LMBR1: variants seen among roughly 807,000 people sequenced by gnomAD.
The protein encoded by LMBR1 is limb region 1 protein homolog.
Under a neutral mutation model 73.9 loss-of-function variants are expected in LMBR1, and 52 were observed. That is an observed-to-expected ratio of 0.70 (90% CI 0.56 to 0.89). The LOEUF is 0.89. Among genes scored for constraint, LMBR1 ranks in the 40% least tolerant of loss-of-function variants. LMBR1 has a pLI of 0.00. For missense variants in LMBR1, 539 were observed against 579.8 expected (o/e 0.93, Z 0.72); for synonymous variants, 215 against 209.4 (o/e 1.03, Z -0.23).
chr7:156,772,102 C>T (rs1354921083), intron 5 of LMBR1, among the ~76,000 whole-genome samples: 2 of 151,824 alleles, frequency 1.3e-5, no homozygotes, highest in Non-Finnish European at 2.9e-5. Flanking sequence ...GGTGAAACCC[C>T]GTCTCTACTA....
At chr7:156,892,858 G>A (rs1238475033) in intron 1 of LMBR1, 70 bp downstream of exon 1, 16 of 1,239,304 alleles carry the variant, frequency 1.3e-5, no homozygotes, top group South Asian at 1.8e-5. Context: ...GGGACCGGGG[G>A]CCCGGGGGCG....
At chr7:156,784,298 T>G (rs1827695569) in intron 5 of LMBR1, among the ~76,000 whole-genome samples, 1 of 152,222 alleles carries the variant, frequency 6.6e-6, no homozygotes, top group Admixed American at 6.5e-5. Flanking sequence ...ATTTAAGAAC[T>G]CTTGTCCTGC....
chr7:156,787,609 A>G (rs1027566546), intron 5 of LMBR1, among the ~76,000 whole-genome samples: 1 of 152,218 alleles, frequency 6.6e-6, no homozygotes, highest in Non-Finnish European at 1.5e-5. Context: ...CTGAACTTCT[A>G]AAACCCTGAT....
chr7:156,866,183 AG>A (rs1798428794), intron 1 of LMBR1, among the ~76,000 whole-genome samples: 1 of 152,190 alleles, frequency 6.6e-6, no homozygotes, highest in Non-Finnish European at 1.5e-5. Flanking sequence ...TATGTCTGAT[AG>A]GGGTCTTATG....
intron 5 of LMBR1, among the ~76,000 whole-genome samples, chr7:156,792,916 A>T (rs775006681): frequency 9.6e-6 from 1 of 104,036 alleles, no homozygotes; most frequent in Admixed American, 1.1e-4. Context: ...TGGCCACAGG[A>T]AAAAAAAAAA....
At chr7:156,754,921 A>T (rs1821573841) in intron 9 of LMBR1, among the ~76,000 whole-genome samples, 1 of 152,234 alleles carries the variant, frequency 6.6e-6, no homozygotes. Context: ...CACCTGAAAC[A>T]GTCCACAGTG....
Position 156,756,527 on chromosome 7 carries a change from A to G in LMBR1, c.685-62T>C, listed in dbSNP as rs1005248935. The G allele has an allele frequency of 7.6e-6, 6 of 786,560 alleles. No homozygotes were observed. The African/African-American group carries it at 1.1e-4, about 14-fold the overall frequency. 48.7% of individuals were successfully genotyped at this position (786,560 alleles called of 1,614,324 possible). ...TTATAAAACGAATGCTTATGAGACC[A>G]TTTAGGCTATTTGGTCAATTTATTT... On this transcript the variant is annotated intron_variant, in intron 8 of 16. Transcript: ENST00000353442.
At chr7:156,732,856 A>G (rs534972368) in intron 10 of LMBR1, among the ~76,000 whole-genome samples, 16 of 152,208 alleles carry the variant, frequency 1.1e-4, no homozygotes, top group East Asian at 5.8e-4. Flanking sequence ...CACAGCTACT[A>G]TAAGTGGCCA....
intron 9 of LMBR1, among the ~76,000 whole-genome samples, chr7:156,735,511 A>C (rs1276789254): frequency 6.8e-6 from 1 of 147,464 alleles, no homozygotes; most frequent in Non-Finnish European, 1.5e-5. Flanking sequence ...TACCCACTAC[A>C]ACTGTACTTT....
intron 5 of LMBR1, among the ~76,000 whole-genome samples, chr7:156,774,551 GC>G (rs1283422009): frequency 6.6e-6 from 1 of 152,222 alleles, no homozygotes; most frequent in Non-Finnish European, 1.5e-5. Context: ...AATGAGATCA[GC>G]CGGGTGAGAC....
At chr7:156,828,586 A>T (rs775499726) in intron 3 of LMBR1, among the ~76,000 whole-genome samples, 10 of 152,172 alleles carry the variant, frequency 6.6e-5, no homozygotes, top group Admixed American at 1.3e-4. Flanking sequence ...ATAACTAGTC[A>T]CTGAATATAA....
At chr7:156,811,625 T>A (rs1333941380) in intron 4 of LMBR1, among the ~76,000 whole-genome samples, 1 of 151,724 alleles carries the variant, frequency 6.6e-6, no homozygotes, top group East Asian at 1.9e-4. Context: ...AAAAAAGAAT[T>A]GTTTTCATGT....
intron 8 of LMBR1, among the ~76,000 whole-genome samples, chr7:156,760,557 C>CCAAA (rs200302774): frequency 4.9e-4 from 74 of 149,604 alleles, no homozygotes; most frequent in African/African-American, 1.7e-3. Flanking sequence ...AGAAAGAAGA[C>CCAAA]CAAACAAACA....
chr7:156,874,544 C>T (rs1450718347), intron 1 of LMBR1, among the ~76,000 whole-genome samples: 5 of 152,216 alleles, frequency 3.3e-5, no homozygotes, highest in African/African-American at 7.2e-5. Flanking sequence ...CCCCGAGGAC[C>T]GCCAGCACAC....
chr7:156,768,806 G>C (rs1042052093), intron 5 of LMBR1, among the ~76,000 whole-genome samples: 6 of 152,172 alleles, frequency 3.9e-5, no homozygotes, highest in African/African-American at 1.2e-4. Flanking sequence ...GAAGAGGGAT[G>C]CCAGGCTAGA....
At chr7:156,769,037 G>C (rs1042545925) in intron 5 of LMBR1, among the ~76,000 whole-genome samples, 15 of 152,052 alleles carry the variant, frequency 9.9e-5, no homozygotes, top group African/African-American at 3.6e-4. Flanking sequence ...GTTTATATTG[G>C]GCCAAAGGGA....
chr7:156,743,298 C>T (rs939713228), intron 9 of LMBR1, among the ~76,000 whole-genome samples: 3 of 152,124 alleles, frequency 2.0e-5, no homozygotes, highest in Non-Finnish European at 4.4e-5. Flanking sequence ...TAAATTTTCT[C>T]AGGTCTTCTA....
chr7:156,836,435 A>AC, intron 2 of LMBR1, among the ~76,000 whole-genome samples: 1 of 152,364 alleles, frequency 6.6e-6, no homozygotes, highest in African/African-American at 2.4e-5. Context: ...TGGAGACTCT[A>AC]AATATCTACT....
At chr7:156,796,587 C>T in intron 4 of LMBR1, 95 bp from the exon 5 acceptor site, 1 of 644,086 alleles carries the variant, frequency 1.6e-6, no homozygotes, top group South Asian at 2.4e-5. Context: ...TAAAAATAAA[C>T]AAAAAGTAAC....
Sources: allele counts gnomAD v4.1 joint callset (sites outside exome capture counted in the v4.1 genomes callset), GRCh38; gene constraint gnomAD v4.1.1; transcripts MANE v1.5; gene names NCBI Gene and HGNC (gene_info 2026-07-23, HGNC 2026-07-21).